Variants in TMLHE observed in about 807,000 individuals in gnomAD.
The protein encoded by TMLHE is trimethyllysine hydroxylase, epsilon.
A neutral mutation model predicts 25.7 loss-of-function variants in TMLHE; 18 were observed. The ratio of observed to expected loss-of-function variants is 0.70; its 90% CI spans 0.48 to 1.04. The LOEUF is 1.04. Among genes scored for constraint, TMLHE ranks in the 50% least tolerant of loss-of-function variants. TMLHE has a pLI of 0.00. For synonymous variants in TMLHE, 105 were observed against 97.0 expected, an observed-to-expected ratio of 1.08 and a Z score of -0.49; for missense variants, 236 against 259.0, an observed-to-expected ratio of 0.91 and a Z score of 0.61.
In TMLHE at chrX:155,511,730, T is replaced by C; in HGVS notation, c.701A>G (p.Tyr234Cys). The C allele has an allele frequency of 8.3e-7, 1 of 1,203,193 alleles. No homozygotes were observed. Among genetic ancestry groups the C allele is most frequent in the Non-Finnish European group, 1.1e-6 (1 of 889,493 alleles). Residue 234 changes from tyrosine to cysteine, a missense_variant, in exon 5 of 8, where the codon TAC (tyrosine) becomes TGC (cysteine). Around this residue, in one of 2 missense-constraint regions of TMLHE, gnomAD observed 217 missense variants for 214.6 expected, o/e 1.01. Coordinates refer to ENST00000334398, the MANE Select transcript of TMLHE (RefSeq NM_018196.4). ...TSDFSRGDTA[Y>C]TKLALDRHTD... ...GTGCCGATCCAGAGCTAGCTTGGTG[T>C]ACGCAGTGTCACCTCTGGAGAAGTC...
At chrX:155,544,817 T>A (rs2067333642) in intron 2 of TMLHE, among the ~76,000 whole-genome samples, 1 of 111,168 alleles carries the variant, frequency 9.0e-6, no homozygotes, top group African/African-American at 3.3e-5. Context: ...ACTATTGCCC[T>A]CTGTTATTTT....
chrX:155,608,452 C>T (rs782286473), intron 1 of TMLHE, among the ~76,000 whole-genome samples: 2 of 111,972 alleles, frequency 1.8e-5, no homozygotes, highest in East Asian at 2.8e-4. Context: ...ACCATAAAAA[C>T]CCTTGAAGAA....
At chrX:155,605,467 C>A (rs191276313) in intron 1 of TMLHE, among the ~76,000 whole-genome samples, 55 of 111,949 alleles carry the variant, frequency 4.9e-4, no homozygotes, top group Non-Finnish European at 9.4e-4. Flanking sequence ...GAAACTCCAA[C>A]CAAGAATTTC....
chrX:155,512,104 A>T (rs991406778), intron 4 of TMLHE, among the ~76,000 whole-genome samples: 1 of 111,537 alleles, frequency 9.0e-6, no homozygotes, highest in African/African-American at 3.3e-5. Context: ...GTTCTTTTCT[A>T]TGCTCACCTT....
rs146015014 is a variant in TMLHE at position 155,557,566 on chromosome X, T to G, written c.-1-12289A>C. On this transcript the variant is annotated intron_variant, in intron 1 of 7. Transcript: ENST00000334398. ...TTTCTGTACCATTCTCTCTCCTTTT[T>G]TTCTAGGACTCCTATTGCACATATA... Among the ~76,000 whole-genome samples, 776 of 112,144 alleles carry G rather than the reference T, an allele frequency of 6.9e-3. 6 individuals are homozygous for G. The highest frequency in any genetic ancestry group is 0.024 in the African/African-American group (737 of 30,900).
chrX:155,528,147 G>T (rs973304231), intron 2 of TMLHE, among the ~76,000 whole-genome samples: 2 of 110,150 alleles, frequency 1.8e-5, no homozygotes, highest in African/African-American at 6.6e-5. Flanking sequence ...GTGTTTTAAA[G>T]GATGTGGGGA....
chrX:155,592,233 A>C (rs1262719352), intron 1 of TMLHE, among the ~76,000 whole-genome samples: 1 of 111,688 alleles, frequency 9.0e-6, no homozygotes, highest in Non-Finnish European at 1.9e-5. Flanking sequence ...CAAATGATAA[A>C]CAATTTCAAT....
Position 155,569,148 on chromosome X carries a change from A to C in TMLHE, c.-1-23871T>G, listed in dbSNP as rs1369687724. 4.0e-4 allele frequency among the ~76,000 whole-genome samples: 23 copies of C among 57,793 alleles called. 7 individuals carry two copies. The highest frequency in any genetic ancestry group is 6.8e-4 in the Non-Finnish European group (15 of 22,108). 50.2% of individuals were successfully genotyped at this position (57,793 alleles called of 115,157 possible). On this transcript the variant is annotated intron_variant, in intron 1 of 7. Coordinates refer to ENST00000334398, the MANE Select transcript of TMLHE (RefSeq NM_018196.4). ...TACAGAGAAGTGCTTAAAGGAGCTG[A>C]TGGAGCTGAAAGCCAAGGCTCGAGA...
chrX:155,575,800 A>G (rs1386776293), intron 1 of TMLHE, among the ~76,000 whole-genome samples: 1 of 112,533 alleles, frequency 8.9e-6, no homozygotes, highest in Non-Finnish European at 1.9e-5. Flanking sequence ...GATAAAATTC[A>G]GCATCTGTTC....
At chrX:155,586,972 T>C (rs1172172740) in intron 1 of TMLHE, among the ~76,000 whole-genome samples, 1 of 112,112 alleles carries the variant, frequency 8.9e-6, no homozygotes, top group African/African-American at 3.2e-5. Flanking sequence ...CTGAAACTAT[T>C]CTAAAAAATT....
Position 155,506,879 on chromosome X carries a change from A to G in TMLHE, c.995+19T>C. ...TTTGGCAAATATATTACAGTTGGGG[A>G]TAGTTCTTTGATACTCACCTGATCA... is the stretch of plus-strand genomic sequence containing the variant. On this transcript the variant is annotated intron_variant, in intron 6 of 7. Transcript: ENST00000334398. 8.5e-7 allele frequency: 1 copy of G among 1,173,169 alleles called. No homozygotes were observed. Among genetic ancestry groups the G allele is most frequent in the Non-Finnish European group, 1.2e-6 (1 of 860,950 alleles).
chrX:155,549,230 G>GT (rs1324892503), intron 1 of TMLHE, among the ~76,000 whole-genome samples: 2 of 110,698 alleles, frequency 1.8e-5, no homozygotes, highest in African/African-American at 3.3e-5. Flanking sequence ...CCTTTTGTTT[G>GT]TTTTTTTGCT....
chrX:155,527,925 G>C (rs2124377559), intron 2 of TMLHE, among the ~76,000 whole-genome samples: 1 of 111,696 alleles, frequency 9.0e-6, no homozygotes, highest in African/African-American at 3.2e-5. Flanking sequence ...TTAATATCCA[G>C]CATACAGAAT....
At chrX:155,540,627 A>G (rs1170107096) in intron 2 of TMLHE, among the ~76,000 whole-genome samples, 1 of 111,538 alleles carries the variant, frequency 9.0e-6, no homozygotes, top group East Asian at 2.8e-4. Flanking sequence ...TTTATTGTGT[A>G]GAATTGTAAT....
chrX:155,553,583 G>C (rs1311361042), intron 1 of TMLHE, among the ~76,000 whole-genome samples: 2 of 109,436 alleles, frequency 1.8e-5, no homozygotes, highest in Non-Finnish European at 1.9e-5. Context: ...TTATAAACAA[G>C]ATGTAGATTT....
chrX:155,559,852 C>G (rs189062866), intron 1 of TMLHE, among the ~76,000 whole-genome samples: 2 of 112,162 alleles, frequency 1.8e-5, no homozygotes, highest in African/African-American at 6.5e-5. Context: ...AATCCATTGT[C>G]CATACACTAT....
At position 155,598,541 on chromosome X, in the gene TMLHE, G is replaced by A. The variant is rs782043830; in HGVS notation, c.-2+14251C>T. ...CGTAGGAAGGGGAACATCACACACC[G>A]GGGTCTGTTGTGGGGTGGGGGGAGG... On this transcript the variant is annotated intron_variant, in intron 1 of 7. Transcript: ENST00000334398. Among the ~76,000 whole-genome samples, 38 of 85,477 alleles carry A rather than the reference G, an allele frequency of 4.4e-4. 2 individuals are homozygous for A. In the South Asian group the frequency reaches 0.032, roughly 73 times the overall value. 74.2% of individuals were successfully genotyped at this position (85,477 alleles called of 115,157 possible).
At chrX:155,557,276 G>T (rs1458125386) in intron 1 of TMLHE, among the ~76,000 whole-genome samples, 1 of 111,948 alleles carries the variant, frequency 8.9e-6, no homozygotes, top group Non-Finnish European at 1.9e-5. Flanking sequence ...GTAAAGACAG[G>T]CATAAGAAAT....
intron 1 of TMLHE, among the ~76,000 whole-genome samples, chrX:155,559,226 G>T (rs2067478411): frequency 9.0e-6 from 1 of 111,055 alleles, no homozygotes; most frequent in Non-Finnish European, 1.9e-5. Flanking sequence ...TTAAAATATT[G>T]TTCTTGTTGT....
Sources: gnomAD v4.1 joint callset for allele counts (sites outside exome capture counted in the v4.1 genomes callset) on GRCh38, gnomAD v4.1.1 for gene constraint, gnomAD v4.1.1 regional missense constraint, MANE v1.5 for transcripts, NCBI Gene and HGNC (gene_info 2026-07-23, HGNC 2026-07-21) for gene names.